KCNH7: variants seen among roughly 807,000 people sequenced by gnomAD.
KCNH7 encodes the protein potassium voltage-gated channel subfamily H member 7, also known as voltage-gated inwardly rectifying potassium channel KCNH7.
Under a neutral mutation model 120.8 loss-of-function variants are expected in KCNH7, and 49 were observed. The observed-to-expected ratio is 0.41, with a 90% confidence interval of 0.32 to 0.51. The LOEUF is 0.51. Among genes scored for constraint, KCNH7 ranks in the 20% least tolerant of loss-of-function variants. KCNH7 has a pLI of 0.38. For synonymous variants in KCNH7, 547 were observed against 516.1 expected (o/e 1.06, Z -0.81); for missense variants, 1,097 against 1,446.6 (o/e 0.76, Z 3.92).
chr2:162,628,891 C>T (rs1210771894), intron 2 of KCNH7, among the ~76,000 whole-genome samples: 1 of 151,986 alleles, frequency 6.6e-6, no homozygotes, highest in Non-Finnish European at 1.5e-5. Context: ...ACATGAGGAC[C>T]AGTATACATT....
At chr2:162,578,872 T>G (rs991783330) in intron 2 of KCNH7, among the ~76,000 whole-genome samples, 2 of 152,004 alleles carry the variant, frequency 1.3e-5, no homozygotes, top group African/African-American at 4.8e-5. Flanking sequence ...CCAATATTAT[T>G]ATTATTATTT....
intron 2 of KCNH7, among the ~76,000 whole-genome samples, chr2:162,777,856 T>C (rs1317829073): frequency 1.3e-5 from 2 of 152,178 alleles, no homozygotes; most frequent in African/African-American, 4.8e-5. Flanking sequence ...ACTATTGATA[T>C]AAATTGAACT....
chr2:162,825,252 C>T (rs1026630618), intron 2 of KCNH7, among the ~76,000 whole-genome samples: 5 of 151,858 alleles, frequency 3.3e-5, no homozygotes, highest in African/African-American at 1.2e-4. Flanking sequence ...AAGAGATCCT[C>T]ATTGCTCCCT....
rs1217984998 is a variant in KCNH7 at position 162,396,749 on chromosome 2, C to G, written c.2604G>C (p.Glu868Asp). 1.2e-6 allele frequency: 2 copies of G among 1,609,456 alleles called. No individual in the cohort carries two copies. The highest frequency in any genetic ancestry group is 1.7e-5 in the Admixed American group (1 of 59,728). ...NLELTFNLRH[E>D]SAKADLLRSQ... Reference sequence around the variant, plus strand: ...AACAGTTAACATATACCTTTGCGCTCTCATGCCTTAGGTTGAAAGTCAACT... The same window carrying G: ...AACAGTTAACATATACCTTTGCGCTGTCATGCCTTAGGTTGAAAGTCAACT... The change falls in exon 11 of 16, where the codon GAG becomes GAC. Residue 868 changes from glutamate to aspartate, a missense_variant. Physicochemically the swap from Glu to Asp is conservative, Grantham distance 45 (BLOSUM62 2). Around this residue, in one of 8 missense-constraint regions of KCNH7, gnomAD observed 406 missense variants for 410.5 expected, o/e 0.99. Transcript: ENST00000332142.
rs576246259 is a variant in KCNH7 at position 162,811,252 on chromosome 2, G to A, written c.307+25285C>T. Among the ~76,000 whole-genome samples the A allele has an allele frequency of 6.3e-4, 96 of 152,214 alleles. 1 individual carries two copies. The Middle Eastern group carries it at 0.014, about 22-fold the overall frequency. ...ACATAAATTTTAAAAAATCTGTCTA[G>A]CAAGTAATTGGAGTAATCAGAAAAG... On this transcript the variant is annotated intron_variant, in intron 2 of 15. Transcript: ENST00000332142.
At chr2:162,380,325 A>C (rs1168029072) in intron 13 of KCNH7, among the ~76,000 whole-genome samples, 1 of 152,098 alleles carries the variant, frequency 6.6e-6, no homozygotes, top group African/African-American at 2.4e-5. Context: ...CAGAACCAAA[A>C]CTGATTAGAG....
chr2:162,463,689 C>T (rs1017186522), intron 6 of KCNH7, among the ~76,000 whole-genome samples: 1 of 151,514 alleles, frequency 6.6e-6, no homozygotes, highest in African/African-American at 2.4e-5. Flanking sequence ...TTTAAAAGGT[C>T]CTTTGAAAAA....
intron 2 of KCNH7, among the ~76,000 whole-genome samples, chr2:162,590,315 C>A (rs1235849476): frequency 6.6e-6 from 1 of 152,110 alleles, no homozygotes; most frequent in African/African-American, 2.4e-5. Context: ...AGAGCCGCAC[C>A]TCCTGAAGCT....
intron 2 of KCNH7, among the ~76,000 whole-genome samples, chr2:162,817,370 C>T (rs1428708134): frequency 1.3e-5 from 2 of 152,098 alleles, no homozygotes; most frequent in Admixed American, 1.3e-4. Flanking sequence ...TTTTGGAAAT[C>T]ATGCATTTTT....
intron 7 of KCNH7, among the ~76,000 whole-genome samples, chr2:162,436,378 C>A (rs936346083): frequency 6.6e-6 from 1 of 152,062 alleles, no homozygotes; most frequent in African/African-American, 2.4e-5. Flanking sequence ...GAAATTATTT[C>A]TTGATGTCCC....
chr2:162,711,630 C>T (rs1455922544), intron 2 of KCNH7, among the ~76,000 whole-genome samples: 1 of 152,122 alleles, frequency 6.6e-6, no homozygotes, highest in African/African-American at 2.4e-5. Context: ...TCCTAATGCC[C>T]ACAAGTCATG....
chr2:162,454,358 G>A (rs1230646569), intron 6 of KCNH7, among the ~76,000 whole-genome samples: 1 of 152,162 alleles, frequency 6.6e-6, no homozygotes, highest in Admixed American at 6.5e-5. Flanking sequence ...CTGTAGCCAT[G>A]TAGCATAGTT....
At chr2:162,807,280 A>AAAAAAAAAAAAAAC (rs1559143095) in intron 2 of KCNH7, among the ~76,000 whole-genome samples, 6 of 144,446 alleles carry the variant, frequency 4.2e-5, no homozygotes, top group Non-Finnish European at 7.6e-5. Context: ...AAAAAAAAAA[A>AAAAAAAAAAAAAAC]AAACAAATTA....
chr2:162,441,352 C>G (rs1277571224), intron 7 of KCNH7, among the ~76,000 whole-genome samples: 1 of 152,140 alleles, frequency 6.6e-6, no homozygotes, highest in African/African-American at 2.4e-5. Context: ...TTCCTTGCAT[C>G]AATTTCACAA....
At chr2:162,567,773 A>G (rs1693309928) in intron 2 of KCNH7, among the ~76,000 whole-genome samples, 1 of 152,024 alleles carries the variant, frequency 6.6e-6, no homozygotes, top group African/African-American at 2.4e-5. Flanking sequence ...AACAATGAGT[A>G]ATTTATTTTA....
chr2:162,456,965 C>T (rs1228905096), intron 6 of KCNH7, among the ~76,000 whole-genome samples: 1 of 151,906 alleles, frequency 6.6e-6, no homozygotes, highest in African/African-American at 2.4e-5. Context: ...TTTAGAATTA[C>T]AGAATTATTA....
intron 2 of KCNH7, among the ~76,000 whole-genome samples, chr2:162,829,187 C>T (rs1685388747): frequency 6.6e-6 from 1 of 152,084 alleles, no homozygotes; most frequent in Non-Finnish European, 1.5e-5. Flanking sequence ...ATAATTAGTG[C>T]CTTATAGCTA....
At chr2:162,825,363 C>G (rs752464934) in intron 2 of KCNH7, among the ~76,000 whole-genome samples, 4 of 151,688 alleles carry the variant, frequency 2.6e-5, no homozygotes, top group African/African-American at 4.8e-5. Flanking sequence ...CAAAATTCAA[C>G]AAATTTCAAC....
At chr2:162,558,918 T>A (rs556331995) in intron 2 of KCNH7, among the ~76,000 whole-genome samples, 3 of 150,884 alleles carry the variant, frequency 2.0e-5, no homozygotes, top group Non-Finnish European at 4.4e-5. Context: ...AGCCGGGCGT[T>A]GTGGCAGGCG....
Sources: allele counts gnomAD v4.1 joint callset (sites outside exome capture counted in the v4.1 genomes callset), GRCh38; gene constraint gnomAD v4.1.1; regional missense constraint gnomAD v4.1.1; transcripts MANE v1.5; gene names NCBI Gene and HGNC (gene_info 2026-07-23, HGNC 2026-07-21).